The following LANCL3 variants were observed in gnomAD, a reference collection of about 807,000 sequenced individuals.
LANCL3 encodes the protein LanC like family member 3, also known as lanC-like protein 3.
LANCL3 carries 19 observed loss-of-function variants against 26.5 expected under a neutral mutation model. The ratio of observed to expected loss-of-function variants is 0.72; its 90% CI spans 0.50 to 1.05. The LOEUF (loss-of-function observed/expected upper bound fraction) is 1.05, where lower values mean the gene tolerates loss of function less well. LANCL3 is among the 50% of genes least tolerant of loss of function. The pLI, the probability that LANCL3 is intolerant of heterozygous loss-of-function variation, is 0.00. For synonymous variants in LANCL3, 160 were observed against 166.6 expected, an observed-to-expected ratio of 0.96 and a Z score of 0.30; for missense variants, 318 against 362.7, an observed-to-expected ratio of 0.88 and a Z score of 1.00.
rs782189223 is a variant in LANCL3 at position 37,572,410 on chromosome X, C to G, written c.540C>G (p.Ala180=). The G allele has an allele frequency of 6.8e-6, 8 of 1,175,237 alleles. No individual in the cohort carries two copies. The East Asian group carries it at 1.9e-4, about 28-fold the overall frequency. Residue 180 remains alanine (A), a synonymous_variant, in exon 1 of 5, where the codon GCC becomes GCG. Transcript: ENST00000378619. ...TGGGCCGCGCGGGTTACCTGTGTGC[C>G]GCGCTGGTGCTCAAGCAGAAACTCG... ...LFVGRAGYLC[A]ALVLKQKLAQ... is the part of the protein sequence containing the mutation.
At chrX:37,628,418 G>C (rs1231881890) in intron 1 of LANCL3, among the ~76,000 whole-genome samples, 1 of 110,828 alleles carries the variant, frequency 9.0e-6, no homozygotes, top group Non-Finnish European at 1.9e-5. Flanking sequence ...ACAATTAAAT[G>C]TAATGTGTGA....
chrX:37,600,597 T>C (rs1350646694), intron 1 of LANCL3, among the ~76,000 whole-genome samples: 1 of 112,414 alleles, frequency 8.9e-6, no homozygotes, highest in Non-Finnish European at 1.9e-5. Context: ...GAATATTAGA[T>C]GATGCATGCC....
rs1923587793 is a variant in LANCL3, at chrX:37,571,943, G to T, written c.73G>T (p.Glu25Ter). ...CAGCCTGCTGGCGGGCCAGTGTGAG[G>T]AGGCGGTGGCGCCCTTGGTCACCGC... ...QGSLLAGQCE[E>*]AVAPLVTATI... Residue 25 changes from glutamate to a stop codon, truncating the protein, a stop_gained, in exon 1 of 5, where the codon GAG becomes TAG. Coordinates refer to ENST00000378619, the MANE Select transcript of LANCL3 (RefSeq NM_001170331.2). LOFTEE classifies it high-confidence loss of function. 2 of 1,206,237 alleles carry T rather than the reference G, an allele frequency of 1.7e-6. No individual in the cohort carries two copies. The highest frequency in any genetic ancestry group is 2.2e-6 in the Non-Finnish European group (2 of 893,523).
chrX:37,628,661 T>C (rs1358249908), intron 1 of LANCL3, among the ~76,000 whole-genome samples: 2 of 93,131 alleles, frequency 2.1e-5, no homozygotes, highest in African/African-American at 8.0e-5. Flanking sequence ...TGTGTTCTCA[T>C]TGTTCAATTC....
chrX:37,581,938 C>T (rs781955400), intron 1 of LANCL3, among the ~76,000 whole-genome samples: 226 of 110,259 alleles, frequency 2.0e-3, no homozygotes, highest in Non-Finnish European at 3.6e-3. Flanking sequence ...CCCGTCCCCA[C>T]ATCCCACAAC....
intron 1 of LANCL3, among the ~76,000 whole-genome samples, chrX:37,578,499 G>A (rs1406613938): frequency 9.0e-6 from 1 of 111,547 alleles, no homozygotes; most frequent in Admixed American, 9.5e-5. Flanking sequence ...CACCTGTAAG[G>A]TATCTTGTTT....
At position 37,680,270 on chromosome X, in the gene LANCL3, G is replaced by A. The variant is rs1007333162; in HGVS notation, c.*4457G>A. The A allele has an allele frequency of 9.0e-6, 1 of 111,588 alleles. No homozygotes were observed. Among genetic ancestry groups the A allele is most frequent in the Non-Finnish European group, 1.9e-5 (1 of 53,084 alleles). 9.2% of individuals were successfully genotyped at this position (111,588 alleles called of 1,213,427 possible). ...TAAACCTGGTAATTTTATTTTTAAT[G>A]TTACAAAAAAAGTTGATGCTACATT... On this transcript the variant is annotated 3_prime_UTR_variant, in exon 5 of 5. Transcript: ENST00000378619.
intron 1 of LANCL3, among the ~76,000 whole-genome samples, chrX:37,612,123 G>A (rs1042978131): frequency 1.8e-5 from 2 of 110,276 alleles, no homozygotes; most frequent in East Asian, 2.8e-4. Context: ...TGTATTTTTA[G>A]TAGAGACGGG....
At chrX:37,656,650 C>T (rs1926291863) in intron 2 of LANCL3, among the ~76,000 whole-genome samples, 1 of 112,499 alleles carries the variant, frequency 8.9e-6, no homozygotes, top group Non-Finnish European at 1.9e-5. Context: ...TGCTGTCATC[C>T]TGCGTATACT....
At chrX:37,638,715 A>T (rs1315131668) in intron 1 of LANCL3, among the ~76,000 whole-genome samples, 1 of 111,678 alleles carries the variant, frequency 9.0e-6, no homozygotes, top group Non-Finnish European at 1.9e-5. Flanking sequence ...CATTTCATAC[A>T]TCTATTAACC....
At chrX:37,648,804 C>T (rs1253205621) in intron 1 of LANCL3, among the ~76,000 whole-genome samples, 1 of 112,115 alleles carries the variant, frequency 8.9e-6, no homozygotes, top group Non-Finnish European at 1.9e-5. Context: ...AAGATCTGAA[C>T]AGACACTTCT....
At chrX:37,602,971 A>G (rs965715875) in intron 1 of LANCL3, among the ~76,000 whole-genome samples, 1 of 112,000 alleles carries the variant, frequency 8.9e-6, no homozygotes, top group Non-Finnish European at 1.9e-5. Context: ...TGTTGTGTAG[A>G]TTTTAGAATT....
chrX:37,626,667 A>G lies in LANCL3; in HGVS notation c.574-29021A>G, dbSNP rs943919111. On this transcript the variant is annotated intron_variant, in intron 1 of 4. Transcript: ENST00000378619. ...TAAAATGGTATCTTTTTTTTCCTGA[A>G]GACTTCAAGATAGTTTCACTTTAAT... Among the ~76,000 whole-genome samples the G allele has an allele frequency of 2.7e-5, 3 of 111,544 alleles. No homozygotes were observed. The Admixed American group carries it at 2.9e-4, about 11-fold the overall frequency.
intron 1 of LANCL3, among the ~76,000 whole-genome samples, chrX:37,620,369 A>G (rs1238917891): frequency 2.7e-5 from 3 of 112,254 alleles, no homozygotes; most frequent in South Asian, 7.6e-4. Context: ...TCAGACATGG[A>G]AAGATAACTG....
chrX:37,646,592 A>G (rs1166838990), intron 1 of LANCL3, among the ~76,000 whole-genome samples: 1 of 112,365 alleles, frequency 8.9e-6, no homozygotes, highest in Non-Finnish European at 1.9e-5. Flanking sequence ...TTTAAAAAAT[A>G]AGTTTAATTT....
chrX:37,653,368 A>G (rs1389495174), intron 1 of LANCL3, among the ~76,000 whole-genome samples: 4 of 112,291 alleles, frequency 3.6e-5, no homozygotes, highest in Non-Finnish European at 5.6e-5. Flanking sequence ...TATAGGCATG[A>G]AAGTCAAATA....
intron 4 of LANCL3, among the ~76,000 whole-genome samples, chrX:37,675,028 T>C (rs1049413700): frequency 1.4e-4 from 16 of 112,303 alleles, no homozygotes; most frequent in Non-Finnish European, 2.4e-4. Flanking sequence ...AGGTCTTTCA[T>C]AGGGAATTTA....
At chrX:37,661,010 G>A (rs185509575) in intron 3 of LANCL3, among the ~76,000 whole-genome samples, 4 of 95,730 alleles carry the variant, frequency 4.2e-5, no homozygotes, top group Non-Finnish European at 6.1e-5. Context: ...TTGTGGGCGG[G>A]GGGGGAACAA....
At chrX:37,600,395 G>A (rs1556419917) in intron 1 of LANCL3, among the ~76,000 whole-genome samples, 1 of 111,771 alleles carries the variant, frequency 8.9e-6, no homozygotes, top group African/African-American at 3.2e-5. Context: ...TATCCCCTAT[G>A]GATAAGGATG....
Sources: allele counts gnomAD v4.1 joint callset (sites outside exome capture counted in the v4.1 genomes callset), GRCh38; gene constraint gnomAD v4.1.1; transcripts MANE v1.5; gene names NCBI Gene and HGNC (gene_info 2026-07-23, HGNC 2026-07-21).